Variants in SH2B2 observed in about 807,000 individuals in gnomAD.
SH2B2 encodes SH2B adaptor protein 2.
Under a neutral mutation model 35.7 loss-of-function variants are expected in SH2B2, and 37 were observed. The ratio of observed to expected loss-of-function variants is 1.04; its 90% CI spans 0.80 to 1.36. The LOEUF (loss-of-function observed/expected upper bound fraction) is 1.36, where lower values mean the gene tolerates loss of function less well. Ranked by LOEUF, SH2B2 falls within the 40% of genes most tolerant of loss-of-function variation. SH2B2 has a pLI of 0.00. For missense variants in SH2B2, 852 were observed against 817.7 expected (o/e 1.04, Z -0.51); for synonymous variants, 383 against 376.4 (o/e 1.02, Z -0.20).
At chr7:102,303,842 A>G (rs1397957285) in intron 2 of SH2B2, among the ~76,000 whole-genome samples, 1 of 152,160 alleles carries the variant, frequency 6.6e-6, no homozygotes, top group Non-Finnish European at 1.5e-5. Context: ...CCCTCGGAGA[A>G]GGGGAAGGAG....
At chr7:102,307,728 A>G (rs1406496450) in intron 3 of SH2B2, among the ~76,000 whole-genome samples, 1 of 150,562 alleles carries the variant, frequency 6.6e-6, no homozygotes, top group Non-Finnish European at 1.5e-5. Context: ...GAACCCTCCC[A>G]GCTCTGTCAT....
chr7:102,317,131 A>AT, intron 6 of SH2B2, 56 bp from the exon 7 acceptor site: 1 of 1,376,040 alleles, frequency 7.3e-7, no homozygotes, highest in Non-Finnish European at 1.0e-6. Context: ...ACATTTATTT[A>AT]TTTGTCCCCC....
At chr7:102,316,025 A>G (rs1554556934) in intron 6 of SH2B2, among the ~76,000 whole-genome samples, 1 of 151,830 alleles carries the variant, frequency 6.6e-6, no homozygotes, top group African/African-American at 2.4e-5. Flanking sequence ...CATACCTGTA[A>G]TCTCAGCACT....
intron 4 of SH2B2, among the ~76,000 whole-genome samples, chr7:102,313,123 C>T (rs1274970743): frequency 1.6e-5 from 2 of 125,250 alleles, no homozygotes; most frequent in Non-Finnish European, 1.6e-5. Context: ...AAGAGCAAAA[C>T]TCTGTCTAAA....
intron 7 of SH2B2, among the ~76,000 whole-genome samples, chr7:102,317,597 A>C (rs1793901865): frequency 6.6e-6 from 1 of 152,194 alleles, no homozygotes; most frequent in African/African-American, 2.4e-5. Flanking sequence ...GACTGCAGTC[A>C]GCCCTATTTC....
At chr7:102,295,590 G>A (rs544202047) in intron 1 of SH2B2, among the ~76,000 whole-genome samples, 2 of 152,322 alleles carry the variant, frequency 1.3e-5, no homozygotes, top group South Asian at 4.1e-4. Flanking sequence ...TGTGTCAGAT[G>A]GGGAGACAGC....
chr7:102,285,457 G>A (rs547816437), upstream of SH2B2, among the ~76,000 whole-genome samples: 3 of 152,332 alleles, frequency 2.0e-5, no homozygotes, highest in South Asian at 6.2e-4. Flanking sequence ...CACTGCCGAA[G>A]CTTTCATTAA....
chr7:102,301,971 T>A (rs924936828), intron 2 of SH2B2, among the ~76,000 whole-genome samples: 8 of 152,130 alleles, frequency 5.3e-5, no homozygotes, highest in African/African-American at 1.9e-4. Context: ...GCTCAAGCAG[T>A]CCTTTCTTAG....
At chr7:102,303,713 C>T (rs1295805231) in intron 2 of SH2B2, among the ~76,000 whole-genome samples, 16 of 152,200 alleles carry the variant, frequency 1.1e-4, no homozygotes, top group African/African-American at 3.4e-4. Flanking sequence ...GGCCCAGTGA[C>T]GGGTGGGGTG....
chr7:102,287,020 C>G lies in SH2B2; in HGVS notation c.-104C>G, dbSNP rs11552019. On this transcript the variant is annotated 5_prime_UTR_variant, in exon 1 of 9. Transcript: ENST00000444095. Reference sequence around the variant, plus strand: ...GCCGCGGGCCATGAGCCACCGGGCCCGGGGAGCCCGGCCGCGGTCCGGGCA... The same window carrying G: ...GCCGCGGGCCATGAGCCACCGGGCCGGGGGAGCCCGGCCGCGGTCCGGGCA... The G allele has an allele frequency of 2.6e-5, 4 of 151,214 alleles. No homozygotes were observed. Among genetic ancestry groups the G allele is most frequent in the Admixed American group, 2.6e-4 (4 of 15,220 alleles). 9.4% of individuals were successfully genotyped at this position (151,214 alleles called of 1,614,324 possible).
At position 102,301,099 on chromosome 7, in the gene SH2B2, G is replaced by A. The variant is rs782306569; in HGVS notation, c.549G>A (p.Arg183=). 6.9e-7 allele frequency: 1 copy of A among 1,445,860 alleles called. No homozygotes were observed. The highest frequency in any genetic ancestry group is 2.9e-5 in the Admixed American group (1 of 34,366). The allele number at this position is 1,445,860 out of a possible 1,614,324, so 89.6% of individuals were successfully genotyped here. ...DKWTRRLRLS[R]TLAAKVELVD... Reference sequence around the variant, plus strand: ...GGACGCGGCGCCTGAGGCTGTCGCGGACGCTGGCTGCCAAGGTGGAGCTGG... The same window carrying A: ...GGACGCGGCGCCTGAGGCTGTCGCGAACGCTGGCTGCCAAGGTGGAGCTGG... The change falls in exon 2 of 9, where the codon CGG becomes CGA. Residue 183 remains arginine, a synonymous_variant. Transcript: ENST00000444095.
chr7:102,287,367 C>T (rs1263087256), intron 1 of SH2B2, among the ~76,000 whole-genome samples: 2 of 152,036 alleles, frequency 1.3e-5, no homozygotes, highest in Non-Finnish European at 2.9e-5. Flanking sequence ...GGAGCAGCTG[C>T]GCCCCCGCCC....
At chr7:102,319,639 C>T (rs1255107642) in intron 7 of SH2B2, among the ~76,000 whole-genome samples, 2 of 151,872 alleles carry the variant, frequency 1.3e-5, no homozygotes, top group Non-Finnish European at 2.9e-5. Context: ...CCCCTCTTGC[C>T]CCACACACCC....
intron 2 of SH2B2, among the ~76,000 whole-genome samples, chr7:102,301,894 CAG>C (rs1234250499): frequency 2.0e-5 from 3 of 151,830 alleles, no homozygotes; most frequent in Non-Finnish European, 4.4e-5. Flanking sequence ...TGTTTTGAGA[CAG>C]GGGCCGTCAC....
intron 1 of SH2B2, among the ~76,000 whole-genome samples, chr7:102,291,344 G>A (rs1227913086): frequency 6.6e-6 from 1 of 152,240 alleles, no homozygotes; most frequent in Non-Finnish European, 1.5e-5. Context: ...GTGCAGGGCT[G>A]TTGCAATAGC....
At chr7:102,291,584 T>C (rs1442254985) in intron 1 of SH2B2, among the ~76,000 whole-genome samples, 1 of 151,056 alleles carries the variant, frequency 6.6e-6, no homozygotes, top group African/African-American at 2.5e-5. Context: ...AAGGGTTAAG[T>C]TAAGACCAGA....
At chr7:102,320,563 G>A in intron 8 of SH2B2, 61 bp downstream of exon 8, 4 of 1,554,190 alleles carry the variant, frequency 2.6e-6, no homozygotes, top group Non-Finnish European at 3.5e-6. Flanking sequence ...GATTACTCAA[G>A]AAGGTGGTCC....
chr7:102,308,053 G>A (rs1184954052), intron 3 of SH2B2, among the ~76,000 whole-genome samples: 1 of 152,192 alleles, frequency 6.6e-6, no homozygotes, highest in African/African-American at 2.4e-5. Flanking sequence ...TTACAGGCGT[G>A]AGCCACCGCG....
chr7:102,295,177 G>A (rs968150468), intron 1 of SH2B2, among the ~76,000 whole-genome samples: 5 of 152,174 alleles, frequency 3.3e-5, no homozygotes, highest in African/African-American at 4.8e-5. Flanking sequence ...TCTAGGACTC[G>A]GCACTGGGGC....
Sources: gnomAD v4.1 joint callset for allele counts (sites outside exome capture counted in the v4.1 genomes callset) on GRCh38, gnomAD v4.1.1 for gene constraint, MANE v1.5 for transcripts, NCBI Gene and HGNC (gene_info 2026-07-23, HGNC 2026-07-21) for gene names.